ATXN7L1: variants seen among roughly 807,000 people sequenced by gnomAD.
The protein encoded by ATXN7L1 is ataxin-7-like protein 1.
In ATXN7L1, 15 loss-of-function variants were observed where a neutral mutation model predicts 70.8. The ratio of observed to expected loss-of-function variants is 0.21; its 90% CI spans 0.14 to 0.33. The LOEUF (loss-of-function observed/expected upper bound fraction) is 0.33, where lower values mean the gene tolerates loss of function less well. Ranked by LOEUF, ATXN7L1 falls within the 10% of genes least tolerant of loss-of-function variation. The probability of loss-of-function intolerance (pLI) is 1.00; values close to 1 mark genes in which losing one functional copy is unlikely to be tolerated. For synonymous variants in ATXN7L1, 440 were observed against 445.1 expected (o/e 0.99, Z 0.14); for missense variants, 975 against 1,097.1 (o/e 0.89, Z 1.57).
chr7:105,818,454 G>A (rs1226094261), intron 2 of ATXN7L1, among the ~76,000 whole-genome samples: 1 of 152,184 alleles, frequency 6.6e-6, no homozygotes, highest in African/African-American at 2.4e-5. Flanking sequence ...CCCATGTCCA[G>A]CTCCTTGTCT....
At chr7:105,827,924 G>T (rs538507106) in intron 2 of ATXN7L1, among the ~76,000 whole-genome samples, 1 of 152,180 alleles carries the variant, frequency 6.6e-6, no homozygotes, top group South Asian at 2.1e-4. Flanking sequence ...CACTAATTTG[G>T]ATAAAGTGCA....
chr7:105,671,631 T>G lies in ATXN7L1; in HGVS notation c.356-6343A>C, dbSNP rs146384044. ...AGATTTTTCAGGTGGGTACAGTGGCTCATGCCTGTAATTCCCGCACTTTGG... is the reference window on the plus strand; with the variant it reads ...AGATTTTTCAGGTGGGTACAGTGGCGCATGCCTGTAATTCCCGCACTTTGG... On this transcript the variant is annotated intron_variant, in intron 3 of 11. Transcript: ENST00000419735. 2.0e-4 allele frequency among the ~76,000 whole-genome samples: 30 copies of G among 152,290 alleles called. No individual in the cohort carries two copies. In the East Asian group the frequency reaches 5.6e-3, roughly 28 times the overall value.
intron 4 of ATXN7L1, among the ~76,000 whole-genome samples, chr7:105,647,112 C>G (rs1799160633): frequency 6.6e-6 from 1 of 152,136 alleles, no homozygotes; most frequent in Non-Finnish European, 1.5e-5. Flanking sequence ...TGCTCTAGTA[C>G]CTGGGCAGCC....
At chr7:105,718,282 C>T (rs1794798886) in intron 3 of ATXN7L1, among the ~76,000 whole-genome samples, 1 of 152,160 alleles carries the variant, frequency 6.6e-6, no homozygotes, top group Admixed American at 6.5e-5. Context: ...ACTGTCCAAC[C>T]CCAGTGGCCA....
At chr7:105,852,041 C>A (rs940833667) in intron 2 of ATXN7L1, among the ~76,000 whole-genome samples, 10 of 152,316 alleles carry the variant, frequency 6.6e-5, no homozygotes, top group African/African-American at 2.2e-4. Flanking sequence ...CTATGAGGCG[C>A]TTCCCTGGCT....
At chr7:105,691,131 A>T (rs1790756574) in intron 3 of ATXN7L1, among the ~76,000 whole-genome samples, 2 of 152,166 alleles carry the variant, frequency 1.3e-5, no homozygotes, top group African/African-American at 4.8e-5. Context: ...GCCCTTGGGC[A>T]TGTTTTGGGT....
chr7:105,738,648 T>C lies in ATXN7L1; in HGVS notation c.355+49956A>G, dbSNP rs1277534644. On this transcript the variant is annotated intron_variant, in intron 3 of 11. Transcript: ENST00000419735. Reference sequence around the variant, plus strand: ...TTTCCAAGACTACACAACTGTCTAGTAGTTGAGTTGGGATTTGAACCCATG... The same window carrying C: ...TTTCCAAGACTACACAACTGTCTAGCAGTTGAGTTGGGATTTGAACCCATG... 2.0e-5 allele frequency among the ~76,000 whole-genome samples: 3 copies of C among 152,252 alleles called. No homozygotes were observed. The East Asian group carries it at 5.8e-4, about 29-fold the overall frequency.
intron 2 of ATXN7L1, among the ~76,000 whole-genome samples, chr7:105,829,308 C>A (rs903061940): frequency 7.9e-5 from 12 of 152,004 alleles, no homozygotes; most frequent in Non-Finnish European, 1.2e-4. Flanking sequence ...CTGGGCGTGG[C>A]GGCGTACACC....
intron 3 of ATXN7L1, among the ~76,000 whole-genome samples, chr7:105,703,251 GC>G (rs1792707461): frequency 6.6e-6 from 1 of 150,408 alleles, no homozygotes; most frequent in Non-Finnish European, 1.5e-5. Context: ...GTTGCGGTGA[GC>G]CGAGATCCCG....
chr7:105,630,970 T>C (rs1392848913), intron 7 of ATXN7L1, among the ~76,000 whole-genome samples: 1 of 152,144 alleles, frequency 6.6e-6, no homozygotes, highest in Non-Finnish European at 1.5e-5. Context: ...TATATCTGCA[T>C]GTGCCTGGAA....
intron 1 of ATXN7L1, among the ~76,000 whole-genome samples, 160 bp downstream of exon 1, chr7:105,876,215 TTGA>T (rs976228956): frequency 1.4e-4 from 22 of 152,102 alleles, no homozygotes; most frequent in Admixed American, 1.3e-3. Flanking sequence ...TCCCTGTGCA[TTGA>T]TGATCTGTCT....
chr7:105,747,198 A>AG (rs1798682294), intron 3 of ATXN7L1, among the ~76,000 whole-genome samples: 1 of 152,178 alleles, frequency 6.6e-6, no homozygotes, highest in South Asian at 2.1e-4. Context: ...GCAGGATTAG[A>AG]GGGCGGGGAC....
chr7:105,876,591 AGGGGGAGGGAGGGAGGAAGGGCGGGATG>A, exon 1 of ATXN7L1: 2 of 363,150 alleles, frequency 5.5e-6, no homozygotes, highest in Non-Finnish European at 1.0e-5. Flanking sequence ...GTGTTCTGAA[AGGGGGAGGGAGGGAGGAAGGGCGGGATG>A]GGAGGAGGGC....
At chr7:105,807,194 C>T (rs1377842610) in intron 2 of ATXN7L1, among the ~76,000 whole-genome samples, 2 of 152,190 alleles carry the variant, frequency 1.3e-5, no homozygotes, top group Non-Finnish European at 2.9e-5. Flanking sequence ...TGCCACACAC[C>T]CTGCTCCACA....
At chr7:105,683,648 C>A (rs1331661774) in intron 3 of ATXN7L1, among the ~76,000 whole-genome samples, 3 of 152,092 alleles carry the variant, frequency 2.0e-5, no homozygotes, top group African/African-American at 7.2e-5. Context: ...GCACTCCAGC[C>A]TGGGTGACAG....
chr7:105,613,641 C>A, intron 10 of ATXN7L1: 4 of 1,416,728 alleles, frequency 2.8e-6, no homozygotes, highest in Non-Finnish European at 3.7e-6. Flanking sequence ...GAGGTAATAA[C>A]CGTAAAGTGC....
intron 2 of ATXN7L1, among the ~76,000 whole-genome samples, chr7:105,825,701 C>G (rs757545373): frequency 4.6e-5 from 7 of 151,984 alleles, no homozygotes; most frequent in African/African-American, 1.7e-4. Flanking sequence ...AAACACTTAG[C>G]CTTCATCTTT....
chr7:105,721,434 C>T (rs1432030641), intron 3 of ATXN7L1, among the ~76,000 whole-genome samples: 1 of 152,174 alleles, frequency 6.6e-6, no homozygotes, highest in Non-Finnish European at 1.5e-5. Flanking sequence ...TGGAGCAGCT[C>T]ATCACTAATC....
In ATXN7L1 at chr7:105,632,946, A is replaced by AAG. The variant is rs1554398810; in HGVS notation, c.1202+5406_1202+5407insCT. On this transcript the variant is annotated intron_variant, in intron 7 of 11. Coordinates refer to ENST00000419735, the MANE Select transcript of ATXN7L1 (RefSeq NM_020725.2). ...TAAAAAAAAAAAAAAAAAAAAAAAA[A>AAG]AAGAAGAAGAGTGACTATTGTGTGA... 2.0e-5 allele frequency among the ~76,000 whole-genome samples: 3 copies of AAG among 150,146 alleles called. No individual in the cohort carries two copies. The Admixed American group carries it at 2.0e-4, about 10-fold the overall frequency.
Sources: gnomAD v4.1 joint callset for allele counts (sites outside exome capture counted in the v4.1 genomes callset) on GRCh38, gnomAD v4.1.1 for gene constraint, MANE v1.5 for transcripts, NCBI Gene and HGNC (gene_info 2026-07-23, HGNC 2026-07-21) for gene names.